ARMC8: variants seen among roughly 807,000 people sequenced by gnomAD.
ARMC8 encodes the protein armadillo repeat containing 8.
Under a neutral mutation model 99.3 loss-of-function variants are expected in ARMC8, and 20 were observed. That is an observed-to-expected ratio of 0.20 (90% CI 0.14 to 0.29). The LOEUF (loss-of-function observed/expected upper bound fraction) is 0.29, where lower values mean the gene tolerates loss of function less well. Ranked by LOEUF, ARMC8 falls within the 10% of genes least tolerant of loss-of-function variation. The pLI, the probability that ARMC8 is intolerant of heterozygous loss-of-function variation, is 1.00. For missense variants in ARMC8, 569 were observed against 809.5 expected, an observed-to-expected ratio of 0.70 and a Z score of 3.60; for synonymous variants, 263 against 278.3, an observed-to-expected ratio of 0.95 and a Z score of 0.55.
chr3:138,193,968 T>C (rs2043543339), intron 1 of ARMC8, among the ~76,000 whole-genome samples: 2 of 152,200 alleles, frequency 1.3e-5, no homozygotes, highest in South Asian at 4.1e-4. Flanking sequence ...TGAATCACTT[T>C]GTAGGCTATT....
intron 1 of ARMC8, among the ~76,000 whole-genome samples, chr3:138,206,349 G>C (rs2044370732): frequency 6.6e-6 from 1 of 152,150 alleles, no homozygotes; most frequent in South Asian, 2.1e-4. Flanking sequence ...TATGAGGCTA[G>C]AGGCTGGCTT....
intron 5 of ARMC8, among the ~76,000 whole-genome samples, chr3:138,224,250 G>A (rs963940170): frequency 2.0e-5 from 3 of 151,834 alleles, no homozygotes; most frequent in Non-Finnish European, 2.9e-5. Context: ...GAGCCACTGC[G>A]CCCGACAACA....
rs147438552 is a variant in ARMC8, at chr3:138,236,242, C to A, written c.610-1067C>A. ...AGAGTGGAACTAACTTCAAACTAGC[C>A]AGAGGCAGGGGAAATAAATATATAC... On this transcript the variant is annotated intron_variant, in intron 7 of 21. Transcript: ENST00000469044. 6.2e-3 allele frequency among the ~76,000 whole-genome samples: 945 copies of A among 152,234 alleles called. 9 individuals carry two copies. The highest frequency in any genetic ancestry group is 7.0e-3 in the Non-Finnish European group (474 of 68,022).
intron 2 of ARMC8, among the ~76,000 whole-genome samples, chr3:138,214,013 G>A (rs998985474): frequency 3.3e-5 from 5 of 151,936 alleles, no homozygotes; most frequent in Admixed American, 6.6e-5. Context: ...TTAGCCAGGC[G>A]TGGTGGTACG....
rs79316364 is a variant in ARMC8 at position 138,217,329 on chromosome 3, A to T, written c.123-4597A>T. ...TAGGCTTTCAGTTAAAATGTATGCTATTTTTGACCATTTAGAAATAAATAT... is the reference window on the plus strand; with the variant it reads ...TAGGCTTTCAGTTAAAATGTATGCTTTTTTTGACCATTTAGAAATAAATAT... On this transcript the variant is annotated intron_variant, in intron 2 of 21. Transcript: ENST00000469044. Among the ~76,000 whole-genome samples, 666 of 151,038 alleles carry T rather than the reference A, an allele frequency of 4.4e-3. 6 individuals are homozygous for T. Among genetic ancestry groups the T allele is most frequent in the African/African-American group, 0.015 (623 of 41,180 alleles).
intron 18 of ARMC8, among the ~76,000 whole-genome samples, chr3:138,281,415 C>T (rs1465313832): frequency 6.6e-6 from 1 of 151,984 alleles, no homozygotes; most frequent in Non-Finnish European, 1.5e-5. Flanking sequence ...GCCTCAGCCT[C>T]CTGAGTAGCT....
chr3:138,203,411 G>T (rs753185302), intron 1 of ARMC8, among the ~76,000 whole-genome samples: 3 of 152,212 alleles, frequency 2.0e-5, no homozygotes, highest in African/African-American at 7.2e-5. Context: ...TGCAGTGAGG[G>T]TGTCAGCAGG....
At chr3:138,190,389 C>T (rs2043317288) in intron 1 of ARMC8, among the ~76,000 whole-genome samples, 1 of 149,776 alleles carries the variant, frequency 6.7e-6, no homozygotes, top group Non-Finnish European at 1.5e-5. Flanking sequence ...GGGGTTCAAG[C>T]GATTCTCCTG....
At chr3:138,239,606 A>G in intron 10 of ARMC8, 78 bp downstream of exon 10, 1 of 876,278 alleles carries the variant, frequency 1.1e-6, no homozygotes, top group Non-Finnish European at 1.8e-6. Flanking sequence ...CTCATATTTC[A>G]TTTTACACAT....
intron 1 of ARMC8, among the ~76,000 whole-genome samples, chr3:138,204,300 AC>A (rs2044242312): frequency 6.6e-6 from 1 of 152,082 alleles, no homozygotes; most frequent in African/African-American, 2.4e-5. Flanking sequence ...GCTCTACTTG[AC>A]TAGTAAATCC....
intron 19 of ARMC8, chr3:138,287,517 CTT>C (rs769694489): frequency 6.0e-4 from 230 of 384,506 alleles, no homozygotes; most frequent in Non-Finnish European, 1.1e-3. Context: ...GATGAATAAA[CTT>C]ATGCATAGTA....
intron 7 of ARMC8, among the ~76,000 whole-genome samples, chr3:138,235,906 C>T (rs2046309670): frequency 1.3e-5 from 2 of 150,062 alleles, no homozygotes; most frequent in African/African-American, 2.5e-5. Flanking sequence ...CCCACGTTCA[C>T]GCCATTCTCG....
At position 138,200,642 on chromosome 3, in the gene ARMC8, A is replaced by G. The variant is rs552418907; in HGVS notation, c.46-9175A>G. On this transcript the variant is annotated intron_variant, in intron 1 of 21. Transcript: ENST00000469044. ...ATCATGTTTCAGACTTAAAAAATGGATCCTGATTAGAACTGCTGAGAGCAT... is the reference window on the plus strand; with the variant it reads ...ATCATGTTTCAGACTTAAAAAATGGGTCCTGATTAGAACTGCTGAGAGCAT... 1.8e-4 allele frequency among the ~76,000 whole-genome samples: 27 copies of G among 151,848 alleles called. No homozygotes were observed. The South Asian group carries it at 5.6e-3, about 32-fold the overall frequency.
At chr3:138,237,276 A>G (rs1400051389) in intron 7 of ARMC8, 33 bp from the exon 8 acceptor site, 2 of 1,593,386 alleles carry the variant, frequency 1.3e-6, no homozygotes, top group East Asian at 2.2e-5. Context: ...GCAGAATTAA[A>G]CACATTTTTT....
rs969375970 is a variant in ARMC8, at chr3:138,280,311, T to C, written c.1726-4120T>C. On this transcript the variant is annotated intron_variant, in intron 18 of 21. Transcript: ENST00000469044. Reference sequence around the variant, plus strand: ...TTGGTTTCATTGATTTTCCCACTTATTATTATTATTATTATATATATTTTA... The same window carrying C: ...TTGGTTTCATTGATTTTCCCACTTACTATTATTATTATTATATATATTTTA... Among the ~76,000 whole-genome samples, 7 of 151,022 alleles carry C rather than the reference T, an allele frequency of 4.6e-5. No individual in the cohort carries two copies. In the South Asian group the frequency reaches 8.4e-4, roughly 18 times the overall value.
At chr3:138,230,578 A>G (rs1288724398) in intron 6 of ARMC8, among the ~76,000 whole-genome samples, 1 of 152,134 alleles carries the variant, frequency 6.6e-6, no homozygotes, top group Non-Finnish European at 1.5e-5. Flanking sequence ...GATTGAGCAC[A>G]GGTGGTTGAG....
intron 5 of ARMC8, among the ~76,000 whole-genome samples, chr3:138,227,581 T>A (rs775162946): frequency 1.3e-5 from 2 of 152,262 alleles, no homozygotes; most frequent in Non-Finnish European, 2.9e-5. Flanking sequence ...TTGTAGGGAA[T>A]CAGCAGCCTT....
intron 21 of ARMC8, 79 bp from the exon 22 acceptor site, chr3:138,295,780 C>A (rs2051432531): frequency 2.0e-6 from 3 of 1,512,840 alleles, no homozygotes; most frequent in Non-Finnish European, 2.7e-6. Flanking sequence ...ACTTCCCCAG[C>A]TATCATCATT....
At chr3:138,289,154 T>A in intron 20 of ARMC8, 34 bp downstream of exon 20, 3 of 1,548,526 alleles carry the variant, frequency 1.9e-6, no homozygotes, top group Non-Finnish European at 2.7e-6. Context: ...TTGAAAAAAA[T>A]TATGGGAAGA....
Sources: allele counts gnomAD v4.1 joint callset (sites outside exome capture counted in the v4.1 genomes callset), GRCh38; gene constraint gnomAD v4.1.1; transcripts MANE v1.5; gene names NCBI Gene and HGNC (gene_info 2026-07-23, HGNC 2026-07-21).